LILRB4: variants seen among roughly 807,000 people sequenced by gnomAD.
The protein encoded by LILRB4 is leukocyte immunoglobulin-like receptor subfamily B member 4.
A neutral mutation model predicts 55.2 loss-of-function variants in LILRB4; 49 were observed. The observed-to-expected ratio is 0.89, with a 90% CI of 0.71 to 1.13. LILRB4 has a LOEUF of 1.13. LILRB4 is among the 50% of genes most tolerant of loss of function. The pLI is 0.00. For synonymous variants in LILRB4, 229 were observed against 213.8 expected, an observed-to-expected ratio of 1.07 and a Z score of -0.62; for missense variants, 590 against 555.2, an observed-to-expected ratio of 1.06 and a Z score of -0.63.
At chr19:54,664,725 G>A (rs1203059281) in intron 4 of LILRB4, 74 bp from the exon 5 acceptor site, 1 of 1,220,220 alleles carries the variant, frequency 8.2e-7, no homozygotes, top group African/African-American at 1.5e-5. Flanking sequence ...GGCAGATATA[G>A]GGAGAGGTTC....
chr19:54,663,340 G>A (rs548396769), intron 1 of LILRB4, among the ~76,000 whole-genome samples, 192 bp from the exon 2 acceptor site: 19 of 151,190 alleles, frequency 1.3e-4, no homozygotes, highest in African/African-American at 4.6e-4. Flanking sequence ...CAGCCACTCG[G>A]GAGGCTGAGG....
At chr19:54,664,115 TCA>T in intron 3 of LILRB4, 69 bp from the exon 4 acceptor site, 1 of 1,596,626 alleles carries the variant, frequency 6.3e-7, no homozygotes, top group Non-Finnish European at 8.5e-7. Context: ...CATCTCCCTC[TCA>T]CAGCCCAGCC....
rs574167699 is a variant in LILRB4, at chr19:54,665,475, G to A, written c.757+295G>A. 6.6e-6 allele frequency among the ~76,000 whole-genome samples: 1 copy of A among 152,214 alleles called. No individual in the cohort carries two copies. The highest frequency in any genetic ancestry group is 2.1e-4 in the South Asian group (1 of 4,816). On this transcript the variant is annotated intron_variant, in intron 6 of 11. Transcript: ENST00000430952. This position sits in a 1 kb window ranked among gnomAD's most constrained non-coding sequence, Gnocchi z 5.5. ...GCAGAGACGGTGACCTGGGGCAGGG[G>A]AGGGGAGCAGGGCGGTGGTTCAAGA...
intron 1 of LILRB4, 94 bp downstream of exon 1, chr19:54,663,161 G>C: frequency 7.0e-7 from 1 of 1,437,446 alleles, no homozygotes; most frequent in Admixed American, 2.1e-5. Context: ...AAAAATCTCA[G>C]GGTAGCCGGG....
At chr19:54,668,014 C>T (rs2065376629) in exon 12 of LILRB4, 2 of 1,614,094 alleles carry the variant, frequency 1.2e-6, no homozygotes, top group Non-Finnish European at 1.7e-6. Context: ...TCTGGCCATC[C>T]ACTAATCCAG....
chr19:54,668,129 C>G, exon 12 of LILRB4: 1 of 1,268,434 alleles, frequency 7.9e-7, no homozygotes. Flanking sequence ...ACCCCTGACA[C>G]AGACCACTAG....
At chr19:54,668,031 C>T in exon 12 of LILRB4, 1 of 1,613,870 alleles carries the variant, frequency 6.2e-7, no homozygotes, top group Non-Finnish European at 8.5e-7. Context: ...CCAGGGGGGA[C>T]CCAGACCCCA....
chr19:54,667,677 A>C (rs2764337), exon 11 of LILRB4: 39,462 of 1,498,720 alleles, frequency 0.026, 946 homozygotes, highest in African/African-American at 0.12. Context: ...GACGTATGCC[A>C]AGGTGAAACA....
At chr19:54,668,452 G>A (rs766187439), downstream of LILRB4, 15 of 174,490 alleles carry the variant, frequency 8.6e-5, no homozygotes, top group Non-Finnish European at 1.6e-4. Context: ...TGAAAAAAGA[G>A]CAGGCATCCA....
At chr19:54,664,148 G>A (rs1357090470) in intron 3 of LILRB4, 38 bp from the exon 4 acceptor site, 1 of 1,520,224 alleles carries the variant, frequency 6.6e-7, no homozygotes, top group African/African-American at 1.4e-5. Context: ...TGTGGGAGGT[G>A]GGAGCCCCAT....
At position 54,667,619 on chromosome 19, in the gene LILRB4, C is replaced by A. The variant is rs1325394208; in HGVS notation, c.1042-19C>A. On this transcript the variant is annotated intron_variant, in intron 10 of 11. Coordinates refer to ENST00000430952, the Ensembl canonical transcript of LILRB4. ...AGGAGGATTCAAGGACACCCCCCAC[C>A]ACTGTCTCTCTCCAGCAGAGCCCAC... 27 of 1,611,112 alleles carry A rather than the reference C, an allele frequency of 1.7e-5. 1 individual carries two copies. Among genetic ancestry groups the A allele is most frequent in the Non-Finnish European group, 2.3e-5 (27 of 1,179,438 alleles).
intron 4 of LILRB4, 90 bp from the exon 5 acceptor site, chr19:54,664,709 C>T: frequency 8.9e-7 from 1 of 1,126,448 alleles, no homozygotes; most frequent in East Asian, 2.4e-5. Context: ...CCTTGGGAAG[C>T]TGCAGGGCAG....
At position 54,666,971 on chromosome 19, in the gene LILRB4, T is replaced by C; in HGVS notation, c.1041+222T>C. The C allele has an allele frequency of 1.4e-6, 1 of 712,078 alleles. No homozygotes were observed. The highest frequency in any genetic ancestry group is 2.6e-6 in the Non-Finnish European group (1 of 383,328). 44.1% of individuals were successfully genotyped at this position (712,078 alleles called of 1,614,324 possible). The stretch of plus-strand genomic sequence containing the variant: ...CCCTTCCTGCTCCTCATCCTCTGTT[T>C]GGCCATCTGGTTGTTAGAGAGCTCC... On this transcript the variant is annotated intron_variant, in intron 10 of 11. Coordinates refer to ENST00000430952, the Ensembl canonical transcript of LILRB4. This position sits in a 1 kb window ranked among gnomAD's most constrained non-coding sequence, Gnocchi z 4.8.
In LILRB4 at chr19:54,664,851, TGAG is replaced by T; in HGVS notation, c.706+3_706+5del. ...CCACAAGGTCCGTCTCAACAGCTGG[TGAG>T]TCTCAGAGGCCTCTGTCCAGAGAGT... On this transcript the variant is annotated splice_donor_5th_base_variant and intron_variant, in intron 5 of 11. Coordinates refer to ENST00000430952, the Ensembl canonical transcript of LILRB4. 1 of 1,612,456 alleles carries T rather than the reference TGAG, an allele frequency of 6.2e-7. No individual in the cohort carries two copies. Among genetic ancestry groups the T allele is most frequent in the East Asian group, 2.2e-5 (1 of 44,864 alleles).
In LILRB4 at chr19:54,666,404, G is replaced by C. The variant is rs2065265128; in HGVS notation, c.956G>C (p.Ser319Thr). Residue 319 changes from serine to threonine, a missense_variant, in exon 9 of 12, where the codon AGC (serine) becomes ACC (threonine). Physicochemically the swap from Ser to Thr is moderately conservative, Grantham distance 58. Coordinates refer to ENST00000430952, the Ensembl canonical transcript of LILRB4. The surrounding 1 kb of genome is among the most constrained non-coding windows in gnomAD (Gnocchi z 4.8). ...ACTCCCGTATCCTCCCCCAGGTCCA[G>C]CCCAGCTGCTGACGTCCAGGGAGAA... The C allele has an allele frequency of 6.2e-7, 1 of 1,614,140 alleles. No individual in the cohort carries two copies. The highest frequency in any genetic ancestry group is 8.5e-7 in the Non-Finnish European group (1 of 1,179,974).
chr19:54,663,897 C>T lies in LILRB4; in HGVS notation c.214C>T (p.Gln72Ter). The T allele has an allele frequency of 6.2e-7, 1 of 1,614,162 alleles. No homozygotes were observed. Among genetic ancestry groups the T allele is most frequent in the Non-Finnish European group, 8.5e-7 (1 of 1,180,012 alleles). ...GGAAAGCCCAGCACCCTGGGACAGA[C>T]AGAACCCACTGGAGCCCAAGAACAA... Residue 72 changes from glutamine to a stop codon, truncating the protein, a stop_gained, in exon 3 of 12, where the codon CAG (glutamine) becomes TAG (stop). Transcript: ENST00000430952. LOFTEE classifies it high-confidence loss of function.
Position 54,665,860 on chromosome 19 carries a change from C to T in LILRB4, c.803C>T (p.Ser268Phe), listed in dbSNP as rs749034472. Residue 268 changes from serine (S) to phenylalanine (F), a missense_variant, in exon 7 of 12, where the codon TCC becomes TTC. Ser to Phe is a radical substitution (Grantham distance 155). Transcript: ENST00000430952. The surrounding 1 kb of genome is among the most constrained non-coding windows in gnomAD (Gnocchi z 5.5). ...GTACTGATCGGGGTCTTGGTGGTCT[C>T]CATCCTGCTTCTCTCCCTCCTCCTC... The T allele has an allele frequency of 6.2e-7, 1 of 1,613,662 alleles. No homozygotes were observed. The highest frequency in any genetic ancestry group is 8.5e-7 in the Non-Finnish European group (1 of 1,179,884).
exon 4 of LILRB4, chr19:54,664,197 A>G: frequency 6.2e-7 from 1 of 1,613,242 alleles, no homozygotes; most frequent in Non-Finnish European, 8.5e-7. Flanking sequence ...AGCCTACAGT[A>G]AACCCACCCT....
intron 4 of LILRB4, 23 bp from the exon 5 acceptor site, chr19:54,664,776 C>A: frequency 6.5e-7 from 1 of 1,544,432 alleles, no homozygotes; most frequent in Non-Finnish European, 8.8e-7. Context: ...AGACTCTCAC[C>A]CTCCTCTTGT....
Sources: gnomAD v4.1 joint callset for allele counts (sites outside exome capture counted in the v4.1 genomes callset) on GRCh38, gnomAD v4.1.1 for gene constraint, Gnocchi (gnomAD v3.1) non-coding constraint, MANE v1.5 for transcripts, NCBI Gene and HGNC (gene_info 2026-07-23, HGNC 2026-07-21) for gene names.